Variants in CHID1 observed in about 807,000 individuals in gnomAD.
The protein encoded by CHID1 is chitinase domain-containing protein 1.
A neutral mutation model predicts 55.4 loss-of-function variants in CHID1; 44 were observed. The ratio of observed to expected loss-of-function variants is 0.79; its 90% confidence interval spans 0.62 to 1.02. CHID1 has a LOEUF of 1.02. CHID1 is among the 50% of genes least tolerant of loss of function. The pLI, the probability that CHID1 is intolerant of heterozygous loss-of-function variation, is 0.00. For missense variants in CHID1, 491 were observed against 515.3 expected (o/e 0.95, Z 0.46); for synonymous variants, 216 against 212.9 (o/e 1.01, Z -0.13).
intron 4 of CHID1, 69 bp downstream of exon 4, chr11:902,129 C>A (rs748504823): frequency 2.5e-6 from 4 of 1,588,776 alleles, no homozygotes; most frequent in Admixed American, 1.7e-5. Flanking sequence ...CACACACACA[C>A]CCCTGCTCTC....
chr11:893,420 C>T lies in CHID1; in HGVS notation c.701+7G>A. On this transcript the variant is annotated splice_region_variant and intron_variant, in intron 8 of 12. Coordinates refer to ENST00000323578, the MANE Select transcript of CHID1 (RefSeq NM_023947.4). Reference sequence around the variant, plus strand: ...AGCCACCCCCACATCTCAAGAGCGGCACTTACCCGGGGGTGATGGCAGGCG... The same window carrying T: ...AGCCACCCCCACATCTCAAGAGCGGTACTTACCCGGGGGTGATGGCAGGCG... The T allele has an allele frequency of 6.5e-7, 1 of 1,547,894 alleles. No individual in the cohort carries two copies. Among genetic ancestry groups the T allele is most frequent in the Non-Finnish European group, 8.7e-7 (1 of 1,145,656 alleles).
chr11:876,418 G>A (rs888439968), intron 10 of CHID1, among the ~76,000 whole-genome samples: 4 of 152,180 alleles, frequency 2.6e-5, no homozygotes, highest in African/African-American at 7.2e-5. Flanking sequence ...GGCAGAGCCA[G>A]GGTCAGGAAG....
intron 3 of CHID1, among the ~76,000 whole-genome samples, 156 bp downstream of exon 3, chr11:902,806 T>A (rs539764175): frequency 6.6e-6 from 1 of 152,108 alleles, no homozygotes; most frequent in South Asian, 2.1e-4. Flanking sequence ...ATCTCCAGAA[T>A]GGCATCTCTC....
At chr11:876,029 G>A (rs1057363172) in intron 10 of CHID1, among the ~76,000 whole-genome samples, 1 of 152,132 alleles carries the variant, frequency 6.6e-6, no homozygotes, top group African/African-American at 2.4e-5. Context: ...TCTTTAGGGC[G>A]GTCGCAGCTA....
intron 7 of CHID1, among the ~76,000 whole-genome samples, chr11:894,779 C>A (rs1485095982): frequency 6.6e-6 from 1 of 152,162 alleles, no homozygotes; most frequent in Non-Finnish European, 1.5e-5. Context: ...TCAGCCAGTA[C>A]CCAGAGGCCC....
chr11:889,532 T>C (rs1046045161), intron 8 of CHID1, among the ~76,000 whole-genome samples: 1 of 152,144 alleles, frequency 6.6e-6, no homozygotes, highest in African/African-American at 2.4e-5. Context: ...GACTGTCATC[T>C]TCCAGCCACC....
At chr11:901,339 G>A (rs1851794387) in intron 4 of CHID1, among the ~76,000 whole-genome samples, 1 of 152,162 alleles carries the variant, frequency 6.6e-6, no homozygotes, top group African/African-American at 2.4e-5. Context: ...GGCCAGACCC[G>A]CCAGGCCCTG....
At chr11:883,850 A>C (rs930689076) in intron 9 of CHID1, among the ~76,000 whole-genome samples, 2 of 152,214 alleles carry the variant, frequency 1.3e-5, no homozygotes, top group Non-Finnish European at 1.5e-5. Context: ...ACCCAGCTCC[A>C]CCAGAGGCAG....
At chr11:897,576 G>C (rs917151128) in intron 7 of CHID1, among the ~76,000 whole-genome samples, 3 of 152,168 alleles carry the variant, frequency 2.0e-5, no homozygotes, top group African/African-American at 7.2e-5. Flanking sequence ...GCAGGCACCT[G>C]ATCCTCCGGC....
Position 896,548 on chromosome 11 carries a change from C to T in CHID1, c.608+2792G>A, listed in dbSNP as rs540256584. ...CACCCCAGACGTGAGGCTGTCTCAGCACCCCCAGCCTCCACCCCAGACGTG... is the reference window on the plus strand; with the variant it reads ...CACCCCAGACGTGAGGCTGTCTCAGTACCCCCAGCCTCCACCCCAGACGTG... On this transcript the variant is annotated intron_variant, in intron 7 of 12. Transcript: ENST00000323578. Among the ~76,000 whole-genome samples, 194 of 120,594 alleles carry T rather than the reference C, an allele frequency of 1.6e-3. 3 individuals are homozygous for T. The highest frequency in any genetic ancestry group is 1.6e-3 in the Non-Finnish European group (96 of 58,738). The allele number at this position is 120,594 out of a possible 152,430, so 79.1% of individuals were successfully genotyped here. A position where few individuals can be genotyped will look rare whatever the true frequency, so the allele number is the denominator to read the frequency against.
upstream of CHID1, among the ~76,000 whole-genome samples, chr11:913,970 A>G (rs1852825344): frequency 6.6e-6 from 1 of 151,092 alleles, no homozygotes; most frequent in Non-Finnish European, 1.5e-5. Context: ...CAGGAGGCTG[A>G]GGTAGGAGAA....
Position 869,831 on chromosome 11 carries a change from G to A in CHID1, c.*27C>T, listed in dbSNP as rs1475829902. On this transcript the variant is annotated 3_prime_UTR_variant, in exon 13 of 13. Coordinates refer to ENST00000323578, the MANE Select transcript of CHID1 (RefSeq NM_023947.4). ...CACTCCATGGCTTAGAAAAGAACAC[G>A]TCCACCGCGGAGGCCGCAATGCCCA... 8 of 1,590,868 alleles carry A rather than the reference G, an allele frequency of 5.0e-6. No homozygotes were observed. The highest frequency in any genetic ancestry group is 3.3e-5 in the South Asian group (3 of 90,642).
chr11:895,965 A>T (rs1055582495), intron 7 of CHID1, among the ~76,000 whole-genome samples: 2 of 151,796 alleles, frequency 1.3e-5, no homozygotes, highest in Non-Finnish European at 2.9e-5. Context: ...GCTGCTCCCA[A>T]CCGTCCTCCC....
Position 880,433 on chromosome 11 carries a change from G to A in CHID1, c.959+2715C>T, listed in dbSNP as rs912658603. 1.8e-4 allele frequency among the ~76,000 whole-genome samples: 27 copies of A among 152,310 alleles called. No homozygotes were observed. The South Asian group carries it at 5.2e-3, about 29-fold the overall frequency. On this transcript the variant is annotated intron_variant, in intron 10 of 12. Coordinates refer to ENST00000323578, the MANE Select transcript of CHID1 (RefSeq NM_023947.4). ...CCTGTGCTGGACCCCAGGACCAGCCGTGTGGACAGAGAGGAGTGTGCACGT... is the reference window on the plus strand; with the variant it reads ...CCTGTGCTGGACCCCAGGACCAGCCATGTGGACAGAGAGGAGTGTGCACGT...
At chr11:889,143 G>A (rs912065419) in intron 8 of CHID1, among the ~76,000 whole-genome samples, 2 of 152,180 alleles carry the variant, frequency 1.3e-5, no homozygotes, top group South Asian at 2.1e-4. Flanking sequence ...AGGCCGGGGC[G>A]GCTGCGGCCT....
intron 10 of CHID1, among the ~76,000 whole-genome samples, chr11:879,010 C>A (rs1469501976): frequency 6.6e-6 from 1 of 152,118 alleles, no homozygotes; most frequent in African/African-American, 2.4e-5. Flanking sequence ...CCACGCCCGG[C>A]TAATTTTTTG....
At chr11:903,216 T>G in intron 2 of CHID1, 105 bp from the exon 3 acceptor site, 1 of 1,188,564 alleles carries the variant, frequency 8.4e-7, no homozygotes, top group Non-Finnish European at 1.2e-6. Context: ...GCCGAGTCTC[T>G]GGATCCACAC....
At chr11:905,097 A>C (rs578131803) in intron 1 of CHID1, among the ~76,000 whole-genome samples, 1 of 152,284 alleles carries the variant, frequency 6.6e-6, no homozygotes, top group East Asian at 1.9e-4. Flanking sequence ...CCCAGAAAGA[A>C]GCTTCCTCAC....
At chr11:893,327 G>T in intron 8 of CHID1, 100 bp downstream of exon 8, 2 of 925,192 alleles carry the variant, frequency 2.2e-6, no homozygotes, top group African/African-American at 1.6e-5. Flanking sequence ...TTTGGGTGCT[G>T]AGCAGGAGGG....
Sources: gnomAD v4.1 joint callset for allele counts (sites outside exome capture counted in the v4.1 genomes callset) on GRCh38, gnomAD v4.1.1 for gene constraint, MANE v1.5 for transcripts, NCBI Gene and HGNC (gene_info 2026-07-23, HGNC 2026-07-21) for gene names.